NUBPL: variants seen among roughly 807,000 people sequenced by gnomAD.
The protein encoded by NUBPL is NUBP iron-sulfur cluster assembly factor, mitochondrial.
Under a neutral mutation model 45.7 loss-of-function variants are expected in NUBPL, and 31 were observed. The ratio of observed to expected loss-of-function variants is 0.68; its 90% CI spans 0.51 to 0.92. The LOEUF (loss-of-function observed/expected upper bound fraction) is 0.92. Among genes scored for constraint, NUBPL ranks in the 40% least tolerant of loss-of-function variants. The pLI, the probability that NUBPL is intolerant of heterozygous loss-of-function variation, is 0.00. For missense variants in NUBPL, 401 were observed against 398.7 expected, an observed-to-expected ratio of 1.01 and a Z score of -0.05; for synonymous variants, 144 against 140.9, an observed-to-expected ratio of 1.02 and a Z score of -0.15.
intron 6 of NUBPL, among the ~76,000 whole-genome samples, chr14:31,787,149 C>G (rs761069158): frequency 6.6e-6 from 1 of 152,090 alleles, no homozygotes; most frequent in Non-Finnish European, 1.5e-5. Flanking sequence ...AGACTAGGGA[C>G]TCAGAAGGAA....
intron 6 of NUBPL, among the ~76,000 whole-genome samples, chr14:31,708,828 G>A (rs2037509026): frequency 6.6e-6 from 1 of 152,198 alleles, no homozygotes; most frequent in African/African-American, 2.4e-5. Flanking sequence ...GAGAACCTTT[G>A]TTCTCTGGGG....
Position 31,673,339 on chromosome 14 carries a change from T to C in NUBPL, c.383-16T>C. The C allele has an allele frequency of 2.2e-6, 2 of 893,728 alleles. No homozygotes were observed. The highest frequency in any genetic ancestry group is 2.1e-5 in the South Asian group (1 of 47,694). 55.4% of individuals were successfully genotyped at this position (893,728 alleles called of 1,614,324 possible). A position where few individuals can be genotyped will look rare whatever the true frequency, so the allele number is the denominator to read the frequency against. On this transcript the variant is annotated splice_polypyrimidine_tract_variant and intron_variant, in intron 4 of 10. Coordinates refer to ENST00000281081, the MANE Select transcript of NUBPL (RefSeq NM_025152.3). ...TGTTTTATTGTTCTAAAAGAGAGGA[T>C]TTTTTTTTTTTCCAGGCAACCTAAT...
chr14:31,631,042 G>A (rs543731711), intron 4 of NUBPL, among the ~76,000 whole-genome samples: 1 of 152,230 alleles, frequency 6.6e-6, no homozygotes, highest in South Asian at 2.1e-4. Context: ...CAAGATGAAT[G>A]GGCTCTGTTT....
chr14:31,639,853 CAG>C (rs1035723821), intron 4 of NUBPL, among the ~76,000 whole-genome samples: 1 of 152,284 alleles, frequency 6.6e-6, no homozygotes, highest in African/African-American at 2.4e-5. Flanking sequence ...TGCTAGCAAT[CAG>C]AGAGACTCCG....
At chr14:31,698,233 T>C (rs2037255790) in intron 6 of NUBPL, among the ~76,000 whole-genome samples, 1 of 152,178 alleles carries the variant, frequency 6.6e-6, no homozygotes, top group South Asian at 2.1e-4. Flanking sequence ...TTCCAATCTA[T>C]GGTGTTTTAG....
chr14:31,786,902 T>C (rs1187751680), intron 6 of NUBPL, among the ~76,000 whole-genome samples: 1 of 152,146 alleles, frequency 6.6e-6, no homozygotes, highest in Non-Finnish European at 1.5e-5. Flanking sequence ...TCAGTGTTGT[T>C]AGGAACAGAC....
chr14:31,751,438 A>C (rs2138689342), intron 6 of NUBPL, among the ~76,000 whole-genome samples: 1 of 152,380 alleles, frequency 6.6e-6, no homozygotes, highest in East Asian at 1.9e-4. Context: ...TGACCAAAAC[A>C]ATGGGGCCAC....
At chr14:31,578,926 G>C (rs532661322) in intron 3 of NUBPL, among the ~76,000 whole-genome samples, 1 of 152,320 alleles carries the variant, frequency 6.6e-6, no homozygotes, top group Admixed American at 6.5e-5. Flanking sequence ...TAACAAGCTA[G>C]GATTTTCTCA....
intron 4 of NUBPL, among the ~76,000 whole-genome samples, chr14:31,640,055 G>A (rs567096534): frequency 2.0e-5 from 3 of 152,200 alleles, no homozygotes; most frequent in East Asian, 1.9e-4. Context: ...GCAGTGCCTC[G>A]CCCTGCTTCG....
intron 6 of NUBPL, among the ~76,000 whole-genome samples, chr14:31,684,127 T>A (rs2036900142): frequency 1.3e-5 from 2 of 152,214 alleles, no homozygotes; most frequent in African/African-American, 4.8e-5. Flanking sequence ...TTTATTCCAT[T>A]TTCAATATCT....
intron 3 of NUBPL, among the ~76,000 whole-genome samples, chr14:31,572,914 T>C (rs2033627134): frequency 6.6e-6 from 1 of 152,202 alleles, no homozygotes; most frequent in East Asian, 1.9e-4. Flanking sequence ...CAATGGTAAG[T>C]ATTTATGTAT....
At chr14:31,736,437 T>C (rs1292877942) in intron 6 of NUBPL, among the ~76,000 whole-genome samples, 2 of 152,218 alleles carry the variant, frequency 1.3e-5, no homozygotes, top group African/African-American at 2.4e-5. Flanking sequence ...TAAATATTTA[T>C]TAGTTTTGCC....
At chr14:31,566,289 T>C (rs1229959301) in intron 3 of NUBPL, among the ~76,000 whole-genome samples, 7 of 152,054 alleles carry the variant, frequency 4.6e-5, no homozygotes, top group Admixed American at 2.6e-4. Flanking sequence ...TTTCTGAAAA[T>C]TGGAAACTAA....
At chr14:31,644,117 G>C (rs2139710379) in intron 4 of NUBPL, among the ~76,000 whole-genome samples, 1 of 151,532 alleles carries the variant, frequency 6.6e-6, no homozygotes, top group East Asian at 1.9e-4. Flanking sequence ...TTGATCTTCT[G>C]GGTTTCTTTC....
intron 3 of NUBPL, among the ~76,000 whole-genome samples, chr14:31,582,386 CTTT>C (rs57392617): frequency 7.2e-6 from 1 of 138,960 alleles, no homozygotes; most frequent in Non-Finnish European, 1.5e-5. Context: ...AATTTGTGTA[CTTT>C]TTTTTTTTTT....
At chr14:31,621,147 C>T (rs748373864) in intron 4 of NUBPL, among the ~76,000 whole-genome samples, 5 of 152,170 alleles carry the variant, frequency 3.3e-5, no homozygotes, top group African/African-American at 9.7e-5. Flanking sequence ...GAAGGTCGAG[C>T]GTCCCAGGTT....
At chr14:31,773,210 A>G (rs1012993141) in intron 6 of NUBPL, among the ~76,000 whole-genome samples, 1 of 152,192 alleles carries the variant, frequency 6.6e-6, no homozygotes, top group Non-Finnish European at 1.5e-5. Context: ...GATTTTACAT[A>G]TAGGCCACTG....
chr14:31,689,972 G>C (rs2037055709), intron 6 of NUBPL, among the ~76,000 whole-genome samples: 1 of 150,828 alleles, frequency 6.6e-6, no homozygotes, highest in African/African-American at 2.4e-5. Flanking sequence ...TCAGATGGTT[G>C]TAGGTGTGTG....
intron 8 of NUBPL, among the ~76,000 whole-genome samples, chr14:31,831,056 ATTTT>A (rs1007773418): frequency 7.9e-5 from 12 of 151,464 alleles, no homozygotes; most frequent in Middle Eastern, 3.4e-3. Flanking sequence ...TTATTTATTT[ATTTT>A]TTTGAGACAG....
Sources: allele counts gnomAD v4.1 joint callset (sites outside exome capture counted in the v4.1 genomes callset), GRCh38; gene constraint gnomAD v4.1.1; transcripts MANE v1.5; gene names NCBI Gene and HGNC (gene_info 2026-07-23, HGNC 2026-07-21).